The following WARS2 variants were observed in gnomAD, a reference collection of about 807,000 sequenced individuals.
The protein encoded by WARS2 is tryptophanyl tRNA synthetase 2, mitochondrial, also known as tryptophan--tRNA ligase, mitochondrial.
Under a neutral mutation model 36.5 loss-of-function variants are expected in WARS2, and 28 were observed. That is an observed-to-expected ratio of 0.77 (90% CI 0.57 to 1.05). WARS2 has a LOEUF of 1.05. WARS2 is among the 50% of genes least tolerant of loss of function. The probability of loss-of-function intolerance (pLI) is 0.00; values close to 1 mark genes in which losing one functional copy is unlikely to be tolerated. For synonymous variants in WARS2, 174 were observed against 178.4 expected, an observed-to-expected ratio of 0.98 and a Z score of 0.20; for missense variants, 435 against 456.8, an observed-to-expected ratio of 0.95 and a Z score of 0.44.
chr1:119,037,177 C>A (rs1647955507), intron 4 of WARS2, among the ~76,000 whole-genome samples: 1 of 151,836 alleles, frequency 6.6e-6, no homozygotes. Context: ...ACTGTGCTTT[C>A]TTAGACACAA....
At chr1:119,115,499 G>A (rs1654904273) in intron 1 of WARS2, among the ~76,000 whole-genome samples, 1 of 152,144 alleles carries the variant, frequency 6.6e-6, no homozygotes, top group Non-Finnish European at 1.5e-5. Context: ...TTTCTGGATA[G>A]TGTCCAGCAA....
intron 3 of WARS2, among the ~76,000 whole-genome samples, chr1:119,045,283 C>A (rs572859819): frequency 2.0e-5 from 3 of 152,314 alleles, no homozygotes; most frequent in African/African-American, 7.2e-5. Flanking sequence ...AATCTACAAT[C>A]TGTGATTGTT....
chr1:119,102,890 C>T (rs749219655), intron 1 of WARS2, among the ~76,000 whole-genome samples: 1 of 152,194 alleles, frequency 6.6e-6, no homozygotes, highest in African/African-American at 2.4e-5. Context: ...TTATTATCAT[C>T]CTATAAAACA....
chr1:119,130,209 C>T (rs587663349), intron 1 of WARS2, among the ~76,000 whole-genome samples: 5 of 151,828 alleles, frequency 3.3e-5, no homozygotes, highest in Admixed American at 2.6e-4. Flanking sequence ...TTGAAGAAAG[C>T]ATACTCTTGA....
At chr1:119,086,515 T>A (rs191418563) in intron 1 of WARS2, among the ~76,000 whole-genome samples, 15 of 152,154 alleles carry the variant, frequency 9.9e-5, no homozygotes, top group African/African-American at 3.1e-4. Context: ...GAGAGGTGGA[T>A]GGATAATAGC....
intron 1 of WARS2, among the ~76,000 whole-genome samples, chr1:119,109,893 A>G (rs981288096): frequency 5.9e-5 from 9 of 151,480 alleles, no homozygotes; most frequent in South Asian, 2.1e-4. Context: ...TAGCATATCT[A>G]TTACACTTTT....
At chr1:119,046,366 TG>T (rs1212203182) in intron 2 of WARS2, among the ~76,000 whole-genome samples, 21 of 149,176 alleles carry the variant, frequency 1.4e-4, no homozygotes, top group Middle Eastern at 3.5e-3. Context: ...TTTTTTTTTT[TG>T]AGACAGAGTC....
At chr1:119,050,881 AG>A (rs757204795) in intron 2 of WARS2, among the ~76,000 whole-genome samples, 8 of 152,190 alleles carry the variant, frequency 5.3e-5, no homozygotes, top group Admixed American at 3.9e-4. Context: ...GGAGGGGTAA[AG>A]GGAATAGGAA....
intron 1 of WARS2, among the ~76,000 whole-genome samples, chr1:119,109,475 T>C (rs966061148): frequency 1.3e-5 from 2 of 152,000 alleles, no homozygotes; most frequent in African/African-American, 4.8e-5. Context: ...TTCCTTGACA[T>C]TCAGTCTGTT....
chr1:119,096,540 T>C (rs1031186935), intron 1 of WARS2, among the ~76,000 whole-genome samples: 1 of 152,138 alleles, frequency 6.6e-6, no homozygotes, highest in African/African-American at 2.4e-5. Flanking sequence ...AATTTTTCAA[T>C]AGCTTCACCA....
chr1:119,082,442 C>G (rs1652270663), intron 1 of WARS2: 5 of 985,228 alleles, frequency 5.1e-6, no homozygotes, highest in African/African-American at 1.7e-5. Flanking sequence ...TGTACTTCAT[C>G]TCATGTAGTG....
intron 1 of WARS2, among the ~76,000 whole-genome samples, chr1:119,123,809 CTCTCT>C (rs1390919989): frequency 6.6e-5 from 10 of 151,898 alleles, no homozygotes; most frequent in Non-Finnish European, 1.3e-4. Context: ...CCCTCCTCTC[CTCTCT>C]TCTCTTCTTT....
chr1:119,059,083 G>A (rs1383380195), intron 2 of WARS2, among the ~76,000 whole-genome samples: 1 of 150,896 alleles, frequency 6.6e-6, no homozygotes, highest in East Asian at 1.9e-4. Flanking sequence ...TTTTTCATGT[G>A]TTTTTTGGCT....
chr1:119,119,192 C>T (rs996645353), intron 1 of WARS2, among the ~76,000 whole-genome samples: 2 of 151,782 alleles, frequency 1.3e-5, no homozygotes, highest in African/African-American at 4.8e-5. Flanking sequence ...TCACCTAACA[C>T]GTAAAGACTC....
In WARS2 at chr1:119,076,384, T is replaced by G. The variant is rs1200639633; in HGVS notation, c.314A>C (p.Asn105Thr). 1 of 1,614,020 alleles carries G rather than the reference T, an allele frequency of 6.2e-7. No individual in the cohort carries two copies. Among genetic ancestry groups the G allele is most frequent in the Non-Finnish European group, 8.5e-7 (1 of 1,180,040 alleles). The part of the protein sequence containing the change: ...MTAVLLACGI[N>T]PEKSILFQQS... ...TTGGAAAAGGATGCTTTTTTCCGGGTTTATGCCACAGGCAAGAAGAACAGC... is the reference window on the plus strand; with the variant it reads ...TTGGAAAAGGATGCTTTTTTCCGGGGTTATGCCACAGGCAAGAAGAACAGC... Residue 105 changes from asparagine to threonine, a missense_variant, in exon 2 of 6, where the codon AAC (asparagine) becomes ACC (threonine). Asn to Thr is a moderately conservative substitution (Grantham distance 65, BLOSUM62 0). Coordinates refer to ENST00000235521, the MANE Select transcript of WARS2 (RefSeq NM_015836.4).
intron 2 of WARS2, among the ~76,000 whole-genome samples, chr1:119,071,714 A>T (rs12086549): frequency 0.25 from 38,658 of 152,108 alleles, 5,137 homozygotes; most frequent in African/African-American, 0.3. Flanking sequence ...AAAAAAAGTT[A>T]GACGAGAGGA....
At chr1:119,140,657 G>T (rs748534935), upstream of WARS2, 1 of 1,608,752 alleles carries the variant, frequency 6.2e-7, no homozygotes, top group Non-Finnish European at 8.5e-7. Context: ...TGAGAAGGGC[G>T]GAGCCGTCTT....
chr1:119,071,642 A>C (rs1217967022), intron 2 of WARS2, among the ~76,000 whole-genome samples: 1 of 152,194 alleles, frequency 6.6e-6, no homozygotes, highest in Non-Finnish European at 1.5e-5. Flanking sequence ...TAAAAAATCG[A>C]GCTCATAGAA....
At chr1:119,121,874 C>T (rs1655347165) in intron 1 of WARS2, among the ~76,000 whole-genome samples, 1 of 152,122 alleles carries the variant, frequency 6.6e-6, no homozygotes, top group Non-Finnish European at 1.5e-5. Context: ...TCATCTCTCA[C>T]CTTATACAAA....
Sources: allele counts gnomAD v4.1 joint callset (sites outside exome capture counted in the v4.1 genomes callset), GRCh38; gene constraint gnomAD v4.1.1; transcripts MANE v1.5; gene names NCBI Gene and HGNC (gene_info 2026-07-23, HGNC 2026-07-21).